The following ZNF704 variants were observed in gnomAD, a reference collection of about 807,000 sequenced individuals.
ZNF704 encodes the protein glucocorticoid induced gene 1.
ZNF704 carries 10 observed loss-of-function variants against 44.7 expected under a neutral mutation model. The ratio of observed to expected loss-of-function variants is 0.22; its 90% CI spans 0.14 to 0.38. ZNF704 has a LOEUF of 0.38. Ranked by LOEUF, ZNF704 falls within the 10% of genes least tolerant of loss-of-function variation. The probability of loss-of-function intolerance (pLI) is 1.00; values close to 1 mark genes in which losing one functional copy is unlikely to be tolerated. For missense variants in ZNF704, 390 were observed against 545.5 expected, an observed-to-expected ratio of 0.71 and a Z score of 2.84; for synonymous variants, 211 against 207.6, an observed-to-expected ratio of 1.02 and a Z score of -0.14.
chr8:80,647,365 G>A (rs1817849845), intron 7 of ZNF704, among the ~76,000 whole-genome samples: 1 of 152,190 alleles, frequency 6.6e-6, no homozygotes, highest in Non-Finnish European at 1.5e-5. Flanking sequence ...TGGAGGGTGG[G>A]AGGAGAGGAG....
At chr8:80,827,459 A>G (rs1238469674) in intron 1 of ZNF704, among the ~76,000 whole-genome samples, 1 of 152,210 alleles carries the variant, frequency 6.6e-6, no homozygotes, top group Admixed American at 6.5e-5. Flanking sequence ...ATGCTCATGG[A>G]TAGGAAGAAT....
chr8:80,786,738 T>C (rs1237242058), intron 2 of ZNF704, among the ~76,000 whole-genome samples: 1 of 152,206 alleles, frequency 6.6e-6, no homozygotes. Flanking sequence ...TGGCTTGTCC[T>C]GGATGTTGTG....
intron 1 of ZNF704, among the ~76,000 whole-genome samples, chr8:80,841,195 G>A (rs746356379): frequency 3.9e-5 from 6 of 152,182 alleles, no homozygotes; most frequent in African/African-American, 1.4e-4. Flanking sequence ...ACATGGCAAC[G>A]ACCTCACTGT....
chr8:80,765,474 A>G (rs898924588), intron 2 of ZNF704, among the ~76,000 whole-genome samples: 1 of 152,200 alleles, frequency 6.6e-6, no homozygotes, highest in Non-Finnish European at 1.5e-5. Context: ...TGGCACCCAA[A>G]CCCACATCCT....
chr8:80,714,584 C>A (rs1759762843), intron 2 of ZNF704, among the ~76,000 whole-genome samples: 1 of 152,142 alleles, frequency 6.6e-6, no homozygotes, highest in Non-Finnish European at 1.5e-5. Flanking sequence ...CTCTAATGAT[C>A]TCCTCCTCCG....
In ZNF704 at chr8:80,629,877, A is replaced by G. The variant is rs552026525; in HGVS notation, c.*11489T>C. Reference sequence around the variant, plus strand: ...TGCTTGTTAATCCAGTGTTACTAGAACATCCACCTTTAAAGAACTGGGCAC... The same window carrying G: ...TGCTTGTTAATCCAGTGTTACTAGAGCATCCACCTTTAAAGAACTGGGCAC... On this transcript the variant is annotated 3_prime_UTR_variant, in exon 9 of 9. Transcript: ENST00000327835. 3.2e-4 allele frequency: 48 copies of G among 152,336 alleles called. 1 individual carries two copies. The East Asian group carries it at 8.9e-3, about 28-fold the overall frequency. The allele number at this position is 152,336 out of a possible 1,614,324, so 9.4% of individuals were successfully genotyped here.
intron 7 of ZNF704, chr8:80,645,078 A>G: frequency 6.6e-7 from 1 of 1,523,606 alleles, no homozygotes; most frequent in Non-Finnish European, 9.1e-7. Flanking sequence ...GGTTTTAGGG[A>G]CCAGCTTGGC....
At chr8:80,659,384 T>C (rs1008154122) in intron 7 of ZNF704, among the ~76,000 whole-genome samples, 9 of 152,214 alleles carry the variant, frequency 5.9e-5, no homozygotes, top group South Asian at 2.1e-4. Flanking sequence ...AACTCTCTTA[T>C]AGTTTTCTGA....
intron 1 of ZNF704, among the ~76,000 whole-genome samples, chr8:80,861,308 G>T (rs939241011): frequency 6.6e-6 from 1 of 152,116 alleles, no homozygotes; most frequent in African/African-American, 2.4e-5. Flanking sequence ...TGCTGTACTG[G>T]ATTCTTCCTT....
Position 80,725,526 on chromosome 8 carries a change from G to A in ZNF704, c.222-32419C>T, listed in dbSNP as rs184372728. The stretch of plus-strand genomic sequence containing the variant: ...TATGCCAAATTGTCTAATGCATTTG[G>A]AGTCTCAGATACATAGGGGATGGGG... On this transcript the variant is annotated intron_variant, in intron 2 of 8. Transcript: ENST00000327835. Among the ~76,000 whole-genome samples, 13 of 152,206 alleles carry A rather than the reference G, an allele frequency of 8.5e-5. No individual in the cohort carries two copies. The East Asian group carries it at 2.5e-3, about 29-fold the overall frequency.
intron 2 of ZNF704, among the ~76,000 whole-genome samples, chr8:80,708,196 A>G (rs1275803643): frequency 6.6e-6 from 1 of 152,222 alleles, no homozygotes; most frequent in Admixed American, 6.5e-5. Context: ...TATGAAATCA[A>G]ATCTATTTAT....
chr8:80,842,068 A>T (rs1286599730), intron 1 of ZNF704, among the ~76,000 whole-genome samples: 1 of 152,178 alleles, frequency 6.6e-6, no homozygotes, highest in Non-Finnish European at 1.5e-5. Flanking sequence ...AAGTGTTAGG[A>T]TCACAGGCAT....
intron 1 of ZNF704, among the ~76,000 whole-genome samples, chr8:80,871,631 C>T (rs566692508): frequency 1.3e-5 from 2 of 152,226 alleles, no homozygotes; most frequent in East Asian, 3.9e-4. Context: ...GGAAGGTGTC[C>T]ACTGCTATGT....
chr8:80,865,417 T>C (rs566386415), intron 1 of ZNF704, among the ~76,000 whole-genome samples: 1 of 152,022 alleles, frequency 6.6e-6, no homozygotes, highest in East Asian at 1.9e-4. Flanking sequence ...GAAGTAACAG[T>C]TGGGTGGGGG....
intron 6 of ZNF704, among the ~76,000 whole-genome samples, chr8:80,661,469 C>T (rs994597202): frequency 2.6e-5 from 4 of 152,132 alleles, no homozygotes; most frequent in African/African-American, 9.7e-5. Flanking sequence ...AGGAAATCAG[C>T]CTATCAAAGG....
rs533643098 is a variant in ZNF704 at position 80,847,718 on chromosome 8, G to A, written c.-21-26103C>T. On this transcript the variant is annotated intron_variant, in intron 1 of 8. Transcript: ENST00000327835. ...TAGAAAGGCAATTCAATGGAGGAAA[G>A]AGTGTTTTAACAAACAGTCTGAAGC... is the stretch of plus-strand genomic sequence containing the variant. 8.5e-4 allele frequency among the ~76,000 whole-genome samples: 130 copies of A among 152,270 alleles called. 2 individuals carry two copies. In the South Asian group the frequency reaches 0.026, roughly 31 times the overall value.
chr8:80,830,745 GTTTC>G (rs201145734), intron 1 of ZNF704, among the ~76,000 whole-genome samples: 2 of 134,920 alleles, frequency 1.5e-5, no homozygotes, highest in East Asian at 2.1e-4. Context: ...TAGAGGGTGT[GTTTC>G]TTTCTTTTTT....
At chr8:80,698,402 C>T (rs1271263295) in intron 2 of ZNF704, among the ~76,000 whole-genome samples, 1 of 152,096 alleles carries the variant, frequency 6.6e-6, no homozygotes. Context: ...GCAAGGCTTC[C>T]TTTAAAAAGG....
At position 80,816,753 on chromosome 8, in the gene ZNF704, G is replaced by C. The variant is rs141474686; in HGVS notation, c.221+4621C>G. Among the ~76,000 whole-genome samples, 295 of 152,266 alleles carry C rather than the reference G, an allele frequency of 1.9e-3. 2 individuals are homozygous for C. The highest frequency in any genetic ancestry group is 6.7e-3 in the African/African-American group (279 of 41,540). ...CTAAAGAGAAACAGTGCTTGCTCAT[G>C]TGCTCTCACATACTCTTGCCCTCTC... is the stretch of plus-strand genomic sequence containing the variant. On this transcript the variant is annotated intron_variant, in intron 2 of 8. Coordinates refer to ENST00000327835, the MANE Select transcript of ZNF704 (RefSeq NM_001033723.3).
Sources: allele counts gnomAD v4.1 joint callset (sites outside exome capture counted in the v4.1 genomes callset), GRCh38; gene constraint gnomAD v4.1.1; transcripts MANE v1.5; gene names NCBI Gene and HGNC (gene_info 2026-07-23, HGNC 2026-07-21).